MC2R: variants seen among roughly 807,000 people sequenced by gnomAD.
MC2R encodes the protein melanocortin 2 receptor, also known as adrenocorticotropic hormone receptor.
MC2R carries 9 observed loss-of-function variants against 9.8 expected under a neutral mutation model. That is an observed-to-expected ratio of 0.92 (90% confidence interval 0.55 to 1.60). The LOEUF (loss-of-function observed/expected upper bound fraction) is 1.60, where lower values mean the gene tolerates loss of function less well. Ranked by LOEUF, MC2R falls within the 40% of genes most tolerant of loss-of-function variation. MC2R has a pLI of 0.00. For missense variants in MC2R, 370 were observed against 389.0 expected, an observed-to-expected ratio of 0.95 and a Z score of 0.41; for synonymous variants, 185 against 154.7, an observed-to-expected ratio of 1.20 and a Z score of -1.45.
Position 13,884,520 on chromosome 18 carries a change from G to A in MC2R, c.*105C>T, listed in dbSNP as rs2045259489. On this transcript the variant is annotated 3_prime_UTR_variant, in exon 2 of 2. Transcript: ENST00000327606. ...GGTGGGATCATCCTTGCATCCATTA[G>A]GGAAGGAAGGCCAGTGAGGAGCACT... The A allele has an allele frequency of 1.0e-5, 13 of 1,259,898 alleles. No homozygotes were observed. The highest frequency in any genetic ancestry group is 5.2e-4 in the Middle Eastern group (2 of 3,810). 78.0% of individuals were successfully genotyped at this position (1,259,898 alleles called of 1,614,324 possible).
chr18:13,885,579 T>C lies in MC2R; in HGVS notation c.-61A>G, dbSNP rs1208446444. The C allele has an allele frequency of 2.5e-6, 4 of 1,576,460 alleles. No homozygotes were observed. In the African/African-American group the frequency reaches 4.0e-5, roughly 16 times the overall value. Reference sequence around the variant, plus strand: ...GGACTTGACTTCACGGAAAACTTGATTGATTCTTCAGGATCTTTTCTTCCT... The same window carrying C: ...GGACTTGACTTCACGGAAAACTTGACTGATTCTTCAGGATCTTTTCTTCCT... On this transcript the variant is annotated 5_prime_UTR_variant, in exon 2 of 2. Coordinates refer to ENST00000327606, the MANE Select transcript of MC2R (RefSeq NM_000529.2).
In MC2R at chr18:13,885,476, C is replaced by T; in HGVS notation, c.43G>A (p.Ala15Thr). The stretch of plus-strand genomic sequence containing the variant: ...CGAGGACAGTCGGAATTATTTCTTG[C>T]TGTGTTGTTGATGTTTTCATACGAG... ...INSYENINNT[A>T]RNNSDCPRVV... The change falls in exon 2 of 2, where the codon GCA becomes ACA. Residue 15 changes from alanine to threonine, a missense_variant. Ala to Thr is a moderately conservative substitution (Grantham distance 58). Transcript: ENST00000327606. 2.5e-6 allele frequency: 4 copies of T among 1,614,144 alleles called. No homozygotes were observed. Among genetic ancestry groups the T allele is most frequent in the African/African-American group, 1.3e-5 (1 of 75,030 alleles).
intron 1 of MC2R, among the ~76,000 whole-genome samples, chr18:13,912,645 G>A (rs1055449641): frequency 2.0e-5 from 3 of 152,156 alleles, no homozygotes; most frequent in Admixed American, 6.5e-5. Flanking sequence ...AAAAATTCAA[G>A]GACAGATGAA....
intron 1 of MC2R, among the ~76,000 whole-genome samples, chr18:13,905,795 C>T (rs1000915291): frequency 5.9e-5 from 9 of 152,266 alleles, no homozygotes; most frequent in East Asian, 1.9e-4. Context: ...CGATGGTTCA[C>T]GCCTGTAATC....
intron 1 of MC2R, among the ~76,000 whole-genome samples, chr18:13,912,004 G>A (rs1367355631): frequency 6.6e-6 from 1 of 152,014 alleles, no homozygotes; most frequent in Non-Finnish European, 1.5e-5. Flanking sequence ...TGGTGTGGAT[G>A]GCATGGAAAA....
At chr18:13,907,014 G>A (rs1024670104) in intron 1 of MC2R, among the ~76,000 whole-genome samples, 13 of 152,042 alleles carry the variant, frequency 8.6e-5, no homozygotes, top group Admixed American at 7.2e-4. Flanking sequence ...TGTAAAGATA[G>A]AAAAAAATCT....
chr18:13,893,562 T>C (rs549343055), intron 1 of MC2R, among the ~76,000 whole-genome samples: 7 of 152,314 alleles, frequency 4.6e-5, no homozygotes, highest in African/African-American at 1.4e-4. Flanking sequence ...AAAAAGTCTT[T>C]ATATTAATCA....
intron 1 of MC2R, among the ~76,000 whole-genome samples, chr18:13,893,374 C>T (rs2045328449): frequency 6.6e-6 from 1 of 152,140 alleles, no homozygotes; most frequent in African/African-American, 2.4e-5. Context: ...TTAGACTCAT[C>T]TGAAGTGCAG....
chr18:13,904,563 A>T (rs1241221371), intron 1 of MC2R, among the ~76,000 whole-genome samples: 1 of 150,988 alleles, frequency 6.6e-6, no homozygotes, highest in East Asian at 1.9e-4. Context: ...ATTAGACAGG[A>T]GAAAAAAAAG....
At chr18:13,908,124 C>T (rs1226718015) in intron 1 of MC2R, among the ~76,000 whole-genome samples, 1 of 152,172 alleles carries the variant, frequency 6.6e-6, no homozygotes, top group Non-Finnish European at 1.5e-5. Context: ...AATATGGACT[C>T]GACCTAAGTG....
chr18:13,912,945 G>A (rs2045453548), intron 1 of MC2R, among the ~76,000 whole-genome samples: 1 of 151,898 alleles, frequency 6.6e-6, no homozygotes, highest in South Asian at 2.1e-4. Flanking sequence ...TCCCCATGCC[G>A]GGCACAGGCA....
At chr18:13,895,422 T>A (rs1380262701) in intron 1 of MC2R, among the ~76,000 whole-genome samples, 1 of 152,182 alleles carries the variant, frequency 6.6e-6, no homozygotes, top group Non-Finnish European at 1.5e-5. Context: ...GCAGAGTCCC[T>A]GAAAACAGCT....
chr18:13,886,625 AAG>A (rs1251412161), intron 1 of MC2R, among the ~76,000 whole-genome samples: 1 of 152,182 alleles, frequency 6.6e-6, no homozygotes, highest in Non-Finnish European at 1.5e-5. Context: ...ATCATTCCCA[AAG>A]ATGACTATAC....
chr18:13,909,573 A>C (rs1191281875), intron 1 of MC2R, among the ~76,000 whole-genome samples: 1 of 152,102 alleles, frequency 6.6e-6, no homozygotes. Flanking sequence ...TTATTTATTC[A>C]ATCCTATGTT....
At chr18:13,889,006 A>T (rs1325401675) in intron 1 of MC2R, among the ~76,000 whole-genome samples, 1 of 151,872 alleles carries the variant, frequency 6.6e-6, no homozygotes, top group Non-Finnish European at 1.5e-5. Context: ...GAGCCCTTCC[A>T]CCTCCTTCCA....
rs1178953912 is a variant in MC2R, at chr18:13,887,252, C to T, written c.-128-1606G>A. Among the ~76,000 whole-genome samples the T allele has an allele frequency of 2.5e-5, 3 of 121,466 alleles. No homozygotes were observed. The East Asian group carries it at 6.8e-4, about 28-fold the overall frequency. The allele number at this position is 121,466 out of a possible 152,430, so 79.7% of individuals were successfully genotyped here. ...GAGGGGAAGCCTGTGTGCTGTGTCC[C>T]ACCTGCTGGGGAAGCCTCAGGGATG... is the stretch of plus-strand genomic sequence containing the variant. On this transcript the variant is annotated intron_variant, in intron 1 of 1. Coordinates refer to ENST00000327606, the MANE Select transcript of MC2R (RefSeq NM_000529.2).
chr18:13,887,974 A>C (rs1217195349), intron 1 of MC2R, among the ~76,000 whole-genome samples: 1 of 152,164 alleles, frequency 6.6e-6, no homozygotes, highest in Non-Finnish European at 1.5e-5. Context: ...TGGTTAATAC[A>C]GGGGCCAACA....
At position 13,896,074 on chromosome 18, in the gene MC2R, C is replaced by G. The variant is rs941113604; in HGVS notation, c.-128-10428G>C. Among the ~76,000 whole-genome samples, 6 of 152,114 alleles carry G rather than the reference C, an allele frequency of 3.9e-5. No homozygotes were observed. The South Asian group carries it at 1.0e-3, about 26-fold the overall frequency. On this transcript the variant is annotated intron_variant, in intron 1 of 1. Coordinates refer to ENST00000327606, the MANE Select transcript of MC2R (RefSeq NM_000529.2). ...TTTACCACTACTTTGTGGAGCAACT[C>G]ATATTGGTTACATAAGGTCTATGTC...
At chr18:13,892,503 G>A (rs1467393652) in intron 1 of MC2R, among the ~76,000 whole-genome samples, 1 of 152,148 alleles carries the variant, frequency 6.6e-6, no homozygotes, top group Non-Finnish European at 1.5e-5. Context: ...CATGGGTGGC[G>A]GATGAGCCCA....
Sources: allele counts gnomAD v4.1 joint callset (sites outside exome capture counted in the v4.1 genomes callset), GRCh38; gene constraint gnomAD v4.1.1; transcripts MANE v1.5; gene names NCBI Gene and HGNC (gene_info 2026-07-23, HGNC 2026-07-21).